Variants in KLHL6 observed in about 807,000 individuals in gnomAD.
KLHL6 encodes kelch-like protein 6.
A neutral mutation model predicts 58.6 loss-of-function variants in KLHL6; 41 were observed. The observed-to-expected ratio is 0.70, with a 90% confidence interval of 0.55 to 0.91. The LOEUF is 0.91. KLHL6 is among the 40% of genes least tolerant of loss of function. KLHL6 has a pLI of 0.00. For synonymous variants in KLHL6, 338 were observed against 322.7 expected (o/e 1.05, Z -0.51); for missense variants, 714 against 805.6 (o/e 0.89, Z 1.38).
chr3:183,539,567 G>C (rs773654404), intron 1 of KLHL6, among the ~76,000 whole-genome samples: 1 of 151,962 alleles, frequency 6.6e-6, no homozygotes, highest in African/African-American at 2.4e-5. Flanking sequence ...AAATTAGCTC[G>C]GTGTGGTGGC....
At position 183,492,434 on chromosome 3, in the gene KLHL6, C is replaced by T; in HGVS notation, c.1564+60G>A. ...GACACCGCGACACACCGTTTACGTGCTGCAGCCAGGCGCTCATCAGGTTCT... is the reference window on the plus strand; with the variant it reads ...GACACCGCGACACACCGTTTACGTGTTGCAGCCAGGCGCTCATCAGGTTCT... On this transcript the variant is annotated intron_variant, in intron 6 of 6. Coordinates refer to ENST00000341319, the MANE Select transcript of KLHL6 (RefSeq NM_130446.4). The surrounding 1 kb of genome is among the most constrained non-coding windows in gnomAD (Gnocchi z 5.9). The T allele has an allele frequency of 6.4e-7, 1 of 1,573,908 alleles. No individual in the cohort carries two copies. The highest frequency in any genetic ancestry group is 8.7e-7 in the Non-Finnish European group (1 of 1,145,690).
Position 183,489,486 on chromosome 3 carries a change from T to C in KLHL6, c.*2441A>G, listed in dbSNP as rs1035468121. 1.3e-5 allele frequency: 2 copies of C among 152,218 alleles called. No individual in the cohort carries two copies. The highest frequency in any genetic ancestry group is 2.9e-5 in the Non-Finnish European group (2 of 68,038). 9.4% of individuals were successfully genotyped at this position (152,218 alleles called of 1,614,324 possible). On this transcript the variant is annotated 3_prime_UTR_variant, in exon 7 of 7. Coordinates refer to ENST00000341319, the MANE Select transcript of KLHL6 (RefSeq NM_130446.4). ...AACAAGAATATTAACTGGTGGCCTATTTACCTGTATTGAGTGTCTAGCGTG... is the reference window on the plus strand; with the variant it reads ...AACAAGAATATTAACTGGTGGCCTACTTACCTGTATTGAGTGTCTAGCGTG...
intron 1 of KLHL6, among the ~76,000 whole-genome samples, chr3:183,554,206 A>G (rs1482152497): frequency 6.6e-6 from 1 of 152,134 alleles, no homozygotes; most frequent in African/African-American, 2.4e-5. Flanking sequence ...AGGTGTATTC[A>G]CTGGGTTCCC....
In KLHL6 at chr3:183,499,672, T is replaced by C. The variant is rs1717815877; in HGVS notation, c.1065A>G (p.Leu355=). Reference sequence around the variant, plus strand: ...TCTCACTCTCCAGCTCATGCTCTGTTAGCGGGAGCTTGGCCACCTCCAGGC... The same window carrying C: ...TCTCACTCTCCAGCTCATGCTCTGTCAGCGGGAGCTTGGCCACCTCCAGGC... ...RSRLEVAKLP[L]TEHELESENK... Residue 355 remains leucine, a synonymous_variant, in exon 4 of 7, where the codon CTA becomes CTG. Coordinates refer to ENST00000341319, the MANE Select transcript of KLHL6 (RefSeq NM_130446.4). The surrounding 1 kb of genome is among the most constrained non-coding windows in gnomAD (Gnocchi z 4.6). The C allele has an allele frequency of 6.2e-7, 1 of 1,611,820 alleles. No homozygotes were observed. Among genetic ancestry groups the C allele is most frequent in the Non-Finnish European group, 8.5e-7 (1 of 1,179,178 alleles).
At chr3:183,511,759 C>T (rs751279911) in intron 2 of KLHL6, among the ~76,000 whole-genome samples, 1 of 152,178 alleles carries the variant, frequency 6.6e-6, no homozygotes, top group South Asian at 2.1e-4. Context: ...TGATTCCATA[C>T]AACACATGTT....
chr3:183,508,079 A>C lies in KLHL6; in HGVS notation c.889T>G (p.Tyr297Asp). Reference protein sequence around the residue: ...VFPLLQEARMYHLSGNEIISE... With the variant: ...VFPLLQEARMDHLSGNEIISE... ...CTCACCTCATTGCCAGAAAGGTGGT[A>C]CATCCTGGCTTCCTGGAGCAGCGGG... Residue 297 changes from tyrosine (Y) to aspartate (D), a missense_variant, in exon 3 of 7, where the codon TAC becomes GAC. Physicochemically the swap from Tyr to Asp is radical, Grantham distance 160. Coordinates refer to ENST00000341319, the MANE Select transcript of KLHL6 (RefSeq NM_130446.4). 1 of 1,613,966 alleles carries C rather than the reference A, an allele frequency of 6.2e-7. No individual in the cohort carries two copies. The highest frequency in any genetic ancestry group is 8.5e-7 in the Non-Finnish European group (1 of 1,179,856).
At chr3:183,545,904 G>A (rs1477603167) in intron 1 of KLHL6, among the ~76,000 whole-genome samples, 1 of 152,162 alleles carries the variant, frequency 6.6e-6, no homozygotes, top group Non-Finnish European at 1.5e-5. Flanking sequence ...ACTCTGTGAG[G>A]ACTTCCTGCT....
Position 183,499,800 on chromosome 3 carries a change from T to A in KLHL6, c.937A>T (p.Met313Leu). 1 of 1,598,422 alleles carries A rather than the reference T, an allele frequency of 6.3e-7. No homozygotes were observed. Among genetic ancestry groups the A allele is most frequent in the South Asian group, 1.1e-5 (1 of 87,936 alleles). The change falls in exon 4 of 7, where the codon ATG (methionine) becomes TTG (leucine). Residue 313 changes from methionine (M) to leucine (L), a missense_variant. By Grantham distance (15) the Met-to-Leu change is conservative. This residue lies in a region of KLHL6 where 510 missense variants were observed against 629.7 expected (regional missense o/e 0.81). Coordinates refer to ENST00000341319, the MANE Select transcript of KLHL6 (RefSeq NM_130446.4). The surrounding 1 kb of genome is among the most constrained non-coding windows in gnomAD (Gnocchi z 4.6). The stretch of plus-strand genomic sequence containing the variant: ...AACACCTCAGACTGGAACTCATGCA[T>A]CCTGGGCTTGGTGCGTTCCGAAATG... ...EIISERTKPR[M>L]HEFQSEVFMI...
chr3:183,494,190 C>T lies in KLHL6; in HGVS notation c.1239G>A (p.Arg413=), dbSNP rs752860354. The change falls in exon 5 of 7, where the codon AGG becomes AGA. Residue 413 remains arginine, a synonymous_variant. Transcript: ENST00000341319. ...TGCCACCCAACACCACCATCTTATG[C>T]CTCCAGCGGCCTATGTTTAAATACT... ...QIEYLNIGRW[R]HKMVVLGGKV... is the part of the protein sequence containing the mutation. 4 of 1,613,984 alleles carry T rather than the reference C, an allele frequency of 2.5e-6. No individual in the cohort carries two copies. The highest frequency in any genetic ancestry group is 2.5e-6 in the Non-Finnish European group (3 of 1,179,844).
intron 2 of KLHL6, among the ~76,000 whole-genome samples, chr3:183,525,618 A>G (rs992627775): frequency 6.6e-6 from 1 of 152,242 alleles, no homozygotes; most frequent in Admixed American, 6.5e-5. Flanking sequence ...TGACTGACCC[A>G]GGGTTTAAAC....
chr3:183,504,724 A>T (rs980725153), intron 3 of KLHL6, among the ~76,000 whole-genome samples: 1 of 152,196 alleles, frequency 6.6e-6, no homozygotes, highest in Non-Finnish European at 1.5e-5. Context: ...TAGGTTCAGC[A>T]TGTGCAGATT....
In KLHL6 at chr3:183,555,121, C is replaced by T. The variant is rs531328157; in HGVS notation, c.293+240G>A. Among the ~76,000 whole-genome samples the T allele has an allele frequency of 3.5e-3, 532 of 152,076 alleles. 1 individual carries two copies. Among genetic ancestry groups the T allele is most frequent in the Non-Finnish European group, 5.1e-3 (349 of 67,996 alleles). ...CAGAGGTTGCGGTGAACCGAGATTG[C>T]GCCATTGCACTCCAGCCTGGGCAAC... On this transcript the variant is annotated intron_variant, in intron 1 of 6. Transcript: ENST00000341319.
Position 183,491,945 on chromosome 3 carries a change from G to T in KLHL6, c.1848C>A (p.Pro616=). ...KSYTHIRRIV[P]GAVSV ...CCTGCCGTCAGACAGACACTGCTCCGGGCACGATCCTGCGGATGTGGGTGT... is the reference window on the plus strand; with the variant it reads ...CCTGCCGTCAGACAGACACTGCTCCTGGCACGATCCTGCGGATGTGGGTGT... Residue 616 remains proline, a synonymous_variant, in exon 7 of 7, where the codon CCC becomes CCA. Transcript: ENST00000341319. 5 of 1,516,882 alleles carry T rather than the reference G, an allele frequency of 3.3e-6. No homozygotes were observed. Among genetic ancestry groups the T allele is most frequent in the Non-Finnish European group, 4.4e-6 (5 of 1,129,872 alleles). 94.0% of individuals were successfully genotyped at this position (1,516,882 alleles called of 1,614,324 possible).
At chr3:183,539,738 T>C (rs1712491059) in intron 1 of KLHL6, among the ~76,000 whole-genome samples, 1 of 150,430 alleles carries the variant, frequency 6.6e-6, no homozygotes, top group Non-Finnish European at 1.5e-5. Flanking sequence ...ACAACTCCCT[T>C]CTGCCAAGCT....
intron 2 of KLHL6, among the ~76,000 whole-genome samples, chr3:183,526,205 G>A (rs1577193454): frequency 6.6e-6 from 1 of 152,278 alleles, no homozygotes; most frequent in African/African-American, 2.4e-5. Context: ...CAGCTACTCG[G>A]GAGGCTGAGG....
At chr3:183,504,021 T>C (rs1717938962) in intron 3 of KLHL6, among the ~76,000 whole-genome samples, 2 of 152,028 alleles carry the variant, frequency 1.3e-5, no homozygotes, top group Admixed American at 6.6e-5. Flanking sequence ...GGTTCAGTTG[T>C]CCAAACTATA....
chr3:183,498,524 TACCAGTGTGCG>T (rs1440587384), intron 4 of KLHL6, among the ~76,000 whole-genome samples: 3 of 152,232 alleles, frequency 2.0e-5, no homozygotes, highest in Non-Finnish European at 4.4e-5. Context: ...GCCTGACACC[TACCAGTGTGCG>T]ACCTTAGGTA....
At position 183,537,867 on chromosome 3, in the gene KLHL6, C is replaced by T. The variant is rs565597470; in HGVS notation, c.294-9857G>A. ...CACATCCTGAAATTAGATTACCTAT[C>T]TATTTGTTAATTATTGTCACCCCAC... On this transcript the variant is annotated intron_variant, in intron 1 of 6. Transcript: ENST00000341319. Among the ~76,000 whole-genome samples, 3 of 152,184 alleles carry T rather than the reference C, an allele frequency of 2.0e-5. No homozygotes were observed. The East Asian group carries it at 5.8e-4, about 29-fold the overall frequency.
At chr3:183,524,198 T>C (rs1647615017) in intron 2 of KLHL6, among the ~76,000 whole-genome samples, 1 of 152,150 alleles carries the variant, frequency 6.6e-6, no homozygotes, top group African/African-American at 2.4e-5. Flanking sequence ...TTGTCCCAGG[T>C]CCATAGTTTG....
Sources: gnomAD v4.1 joint callset for allele counts (sites outside exome capture counted in the v4.1 genomes callset) on GRCh38, gnomAD v4.1.1 for gene constraint, gnomAD v4.1.1 regional missense constraint, Gnocchi (gnomAD v3.1) non-coding constraint, MANE v1.5 for transcripts, NCBI Gene and HGNC (gene_info 2026-07-23, HGNC 2026-07-21) for gene names.